Variants in F11 observed in about 807,000 individuals in gnomAD.
The protein encoded by F11 is coagualtion factor XI.
A neutral mutation model predicts 76.5 loss-of-function variants in F11; 78 were observed. The observed-to-expected ratio is 1.02, with a 90% CI of 0.85 to 1.23. F11 has a LOEUF of 1.23. F11 is among the 50% of genes most tolerant of loss of function. F11 has a pLI of 0.00. For synonymous variants in F11, 278 were observed against 276.3 expected (o/e 1.01, Z -0.06); for missense variants, 742 against 771.4 (o/e 0.96, Z 0.45).
chr4:186,268,428 A>G (rs1049254921), intron 2 of F11, among the ~76,000 whole-genome samples: 1 of 152,198 alleles, frequency 6.6e-6, no homozygotes, highest in South Asian at 2.1e-4. Context: ...TAGGTCCTTT[A>G]TACATGCACA....
chr4:186,274,374 AC>A, intron 5 of F11, 99 bp downstream of exon 5: 1 of 1,469,336 alleles, frequency 6.8e-7, no homozygotes, highest in African/African-American at 1.4e-5. Flanking sequence ...TTTATTTTGA[AC>A]CCCTAAAAGA....
intron 10 of F11, chr4:186,283,170 G>A (rs1192170987): frequency 4.7e-6 from 2 of 426,188 alleles, no homozygotes; most frequent in Non-Finnish European, 3.1e-6. Flanking sequence ...AGCTACACAG[G>A]CAACCCACAG....
At chr4:186,277,711 C>A (rs527818285) in intron 7 of F11, among the ~76,000 whole-genome samples, 16 of 152,238 alleles carry the variant, frequency 1.1e-4, no homozygotes, top group African/African-American at 3.6e-4. Context: ...GTTTCCTTAC[C>A]AATGGAAATT....
intron 10 of F11, chr4:186,281,836 G>A (rs1420846544): frequency 5.1e-6 from 6 of 1,185,212 alleles, no homozygotes; most frequent in South Asian, 3.2e-5. Context: ...CCGAGAAGGC[G>A]AATCAATCCT....
chr4:186,285,546 A>T, intron 11 of F11, 92 bp from the exon 12 acceptor site: 1 of 1,306,472 alleles, frequency 7.7e-7, no homozygotes, highest in Non-Finnish European at 1.1e-6. Context: ...GGCAGAAAAT[A>T]TTAGTAATAA....
intron 2 of F11, among the ~76,000 whole-genome samples, chr4:186,269,094 G>A (rs549231843): frequency 2.4e-4 from 37 of 152,260 alleles, no homozygotes; most frequent in African/African-American, 8.4e-4. Context: ...ATGTACAAAT[G>A]TCCTAAACAA....
rs779930606 is a variant in F11, at chr4:186,274,099, T to C, written c.326-17T>C. ...TAGAATCTGGAAGGTACTCATGTCT[T>C]CTGCTTTTATTTCCAGCTTGCAACA... is the stretch of plus-strand genomic sequence containing the variant. On this transcript the variant is annotated splice_polypyrimidine_tract_variant and intron_variant, in intron 4 of 14. Coordinates refer to ENST00000403665, the MANE Select transcript of F11 (RefSeq NM_000128.4). 6.2e-7 allele frequency: 1 copy of C among 1,614,076 alleles called. No homozygotes were observed. The highest frequency in any genetic ancestry group is 8.5e-7 in the Non-Finnish European group (1 of 1,180,022).
chr4:186,272,896 G>A (rs1740083517), intron 3 of F11, 175 bp from the exon 4 acceptor site: 1 of 576,478 alleles, frequency 1.7e-6, no homozygotes, highest in Non-Finnish European at 3.1e-6. Flanking sequence ...TCTCTTAAGT[G>A]TAGGGATATT....
chr4:186,273,492 G>T (rs1740139159), intron 4 of F11, among the ~76,000 whole-genome samples: 2 of 150,080 alleles, frequency 1.3e-5, no homozygotes, highest in Non-Finnish European at 3.0e-5. Context: ...TCACTCTGTT[G>T]TCCAGGCTGG....
chr4:186,286,657 C>G (rs1009112275), intron 13 of F11, 147 bp downstream of exon 13: 2 of 1,482,376 alleles, frequency 1.3e-6, no homozygotes, highest in African/African-American at 2.8e-5. Flanking sequence ...AGGCAAAAAT[C>G]ACCCAAGTGA....
chr4:186,282,151 A>C (rs1476234395), intron 10 of F11: 2 of 1,137,326 alleles, frequency 1.8e-6, no homozygotes, highest in Non-Finnish European at 2.2e-6. Flanking sequence ...ACATGGTTTA[A>C]TAAAATGGGA....
At chr4:186,289,849 A>AT (rs1210004846), downstream of F11, among the ~76,000 whole-genome samples, 2 of 151,960 alleles carry the variant, frequency 1.3e-5, no homozygotes, top group African/African-American at 4.8e-5. Flanking sequence ...TGCCCGGCTA[A>AT]TTTTTGTATT....
Position 186,279,397 on chromosome 4 carries a change from T to A in F11, c.756-615T>A, listed in dbSNP as rs913473361. On this transcript the variant is annotated intron_variant, in intron 7 of 14. Transcript: ENST00000403665. ...GACTATGTCTCAAAAAAAAAAAAAA[T>A]TTTAAATAAAACTAAAAATTCACCT... Among the ~76,000 whole-genome samples, 67 of 149,776 alleles carry A rather than the reference T, an allele frequency of 4.5e-4. 1 individual carries two copies. Among genetic ancestry groups the A allele is most frequent in the Admixed American group, 3.3e-3 (50 of 15,028 alleles).
At chr4:186,276,012 C>T (rs963557210) in intron 6 of F11, 116 bp downstream of exon 6, 65 of 976,460 alleles carry the variant, frequency 6.7e-5, no homozygotes, top group Admixed American at 2.0e-5. Flanking sequence ...AAGATCTTTA[C>T]CTTCTTCATG....
chr4:186,287,269 C>T lies in F11; in HGVS notation c.1577-415C>T, dbSNP rs1442546472. Among the ~76,000 whole-genome samples the T allele has an allele frequency of 3.3e-5, 5 of 151,802 alleles. No homozygotes were observed. The East Asian group carries it at 7.9e-4, about 24-fold the overall frequency. ...AATTACAGGCGTGAGCCCCCACACCCGTCCATGATTTTTATTTTAAATATA... is the reference window on the plus strand; with the variant it reads ...AATTACAGGCGTGAGCCCCCACACCTGTCCATGATTTTTATTTTAAATATA... On this transcript the variant is annotated intron_variant, in intron 13 of 14. Coordinates refer to ENST00000403665, the MANE Select transcript of F11 (RefSeq NM_000128.4).
chr4:186,283,967 C>T lies in F11; in HGVS notation c.1136-125C>T, dbSNP rs139519949. 6.3e-5 allele frequency: 93 copies of T among 1,481,594 alleles called. No homozygotes were observed. The East Asian group carries it at 2.0e-3, about 33-fold the overall frequency. The allele number at this position is 1,481,594 out of a possible 1,614,324, so 91.8% of individuals were successfully genotyped here. ...CTTTGGCAGCTTGATTATAAAGTCT[C>T]TGTAACTCAGGGTCATGATAAACTA... On this transcript the variant is annotated intron_variant, in intron 10 of 14. Coordinates refer to ENST00000403665, the MANE Select transcript of F11 (RefSeq NM_000128.4).
chr4:186,270,541 C>T (rs1183292110), intron 2 of F11, among the ~76,000 whole-genome samples: 1 of 152,016 alleles, frequency 6.6e-6, no homozygotes, highest in Non-Finnish European at 1.5e-5. Context: ...TCAACGCTCA[C>T]CCCACTCCCA....
Position 186,280,528 on chromosome 4 carries a change from C to A in F11, c.1083C>A (p.His361Gln), listed in dbSNP as rs747150471. Reference sequence around the variant, plus strand: ...ACGGATCTCCAACTAAAATACTTCACGGGAGAGGAGGCATCTCTGGATACA... The same window carrying A: ...ACGGATCTCCAACTAAAATACTTCAAGGGAGAGGAGGCATCTCTGGATACA... ...SSNGSPTKILHGRGGISGYTL... is the reference protein window; with the variant it reads ...SSNGSPTKILQGRGGISGYTL... Residue 361 changes from histidine (H) to glutamine (Q), a missense_variant, in exon 10 of 15, where the codon CAC (histidine) becomes CAA (glutamine). Physicochemically the swap from His to Gln is conservative, Grantham distance 24. Transcript: ENST00000403665. The A allele has an allele frequency of 1.2e-6, 2 of 1,614,112 alleles. No homozygotes were observed. Among genetic ancestry groups the A allele is most frequent in the Non-Finnish European group, 1.7e-6 (2 of 1,180,036 alleles).
chr4:186,274,678 A>T lies in F11; in HGVS notation c.485+403A>T, dbSNP rs563249566. ...AACAGTTCCTTACCTAAGACAAAATACTCATGTAAAAAGTCTTATCCTGCT... is the reference window on the plus strand; with the variant it reads ...AACAGTTCCTTACCTAAGACAAAATTCTCATGTAAAAAGTCTTATCCTGCT... On this transcript the variant is annotated intron_variant, in intron 5 of 14. Transcript: ENST00000403665. The T allele has an allele frequency of 1.1e-4, 28 of 253,848 alleles. 1 individual carries two copies. The South Asian group carries it at 1.4e-3, about 13-fold the overall frequency. 15.7% of individuals were successfully genotyped at this position (253,848 alleles called of 1,614,324 possible).
Sources: gnomAD v4.1 joint callset for allele counts (sites outside exome capture counted in the v4.1 genomes callset) on GRCh38, gnomAD v4.1.1 for gene constraint, MANE v1.5 for transcripts, NCBI Gene and HGNC (gene_info 2026-07-23, HGNC 2026-07-21) for gene names.